The following COMMD1 variants were observed in gnomAD, a reference collection of about 807,000 sequenced individuals.
COMMD1 encodes the protein copper metabolism domain containing 1.
Under a neutral mutation model 17.2 loss-of-function variants are expected in COMMD1, and 10 were observed. The observed-to-expected ratio is 0.58, with a 90% CI of 0.36 to 0.99. The LOEUF (loss-of-function observed/expected upper bound fraction) is 0.99. Among genes scored for constraint, COMMD1 ranks in the 50% least tolerant of loss-of-function variants. COMMD1 has a pLI of 0.01. For missense variants in COMMD1, 270 were observed against 231.8 expected, an observed-to-expected ratio of 1.17 and a Z score of -1.07; for synonymous variants, 97 against 91.6, an observed-to-expected ratio of 1.06 and a Z score of -0.34.
intron 2 of COMMD1, among the ~76,000 whole-genome samples, chr2:62,005,875 G>T (rs1669098068): frequency 6.6e-6 from 1 of 151,330 alleles, no homozygotes; most frequent in African/African-American, 2.4e-5. Context: ...AAATCATGCT[G>T]CTATAAAGAC....
intron 1 of COMMD1, among the ~76,000 whole-genome samples, chr2:61,990,349 T>G (rs746886281): frequency 3.3e-5 from 5 of 152,166 alleles, no homozygotes; most frequent in Non-Finnish European, 4.4e-5. Context: ...TTAATTAAGC[T>G]TTGTATTTAG....
chr2:62,042,563 C>T (rs906728017), intron 2 of COMMD1, among the ~76,000 whole-genome samples: 3 of 152,154 alleles, frequency 2.0e-5, no homozygotes, highest in South Asian at 2.1e-4. Flanking sequence ...ACCCGGAACC[C>T]GCGAGCGCCG....
chr2:62,069,406 A>G (rs1325130150), intron 2 of COMMD1: 1 of 152,222 alleles, frequency 6.6e-6, no homozygotes, highest in Non-Finnish European at 1.5e-5. Flanking sequence ...AGGCAAAGTA[A>G]GTTAACAATC....
At chr2:62,119,197 T>C (rs1269738345) in intron 2 of COMMD1, among the ~76,000 whole-genome samples, 1 of 152,116 alleles carries the variant, frequency 6.6e-6, no homozygotes. Context: ...TGAGAGAAGA[T>C]AGCTGTCTAC....
chr2:61,956,914 C>T (rs1671212803), intron 1 of COMMD1, among the ~76,000 whole-genome samples: 1 of 151,390 alleles, frequency 6.6e-6, no homozygotes, highest in African/African-American at 2.4e-5. Context: ...CCATGCCCAG[C>T]TAACTTTTTG....
At chr2:61,998,219 A>G (rs547969632) in intron 1 of COMMD1, among the ~76,000 whole-genome samples, 3 of 149,770 alleles carry the variant, frequency 2.0e-5, no homozygotes, top group Non-Finnish European at 4.4e-5. Context: ...AACCTTCTCC[A>G]TATCAGCAAT....
rs570489051 is a variant in COMMD1 at position 62,074,883 on chromosome 2, G to GTT, written c.463-60926_463-60925dup. The stretch of plus-strand genomic sequence containing the variant: ...ATTTGGTGCACATTTTGTTTGTGTG[G>GTT]TTTTTTTTTTTTTTTTTTTTTTTGA... On this transcript the variant is annotated intron_variant, in intron 2 of 2. Coordinates refer to ENST00000311832, the MANE Select transcript of COMMD1 (RefSeq NM_152516.4). Among the ~76,000 whole-genome samples the GTT allele has an allele frequency of 7.0e-3, 772 of 110,148 alleles. 3 individuals carry two copies. Among genetic ancestry groups the GTT allele is most frequent in the African/African-American group, 8.8e-3 (253 of 28,626 alleles). The allele number at this position is 110,148 out of a possible 152,430, so 72.3% of individuals were successfully genotyped here.
intron 1 of COMMD1, among the ~76,000 whole-genome samples, chr2:61,988,587 G>C (rs7564539): frequency 0.11 from 16,682 of 152,132 alleles, 2,133 homozygotes; most frequent in African/African-American, 0.31. Context: ...TTGAAGGAAG[G>C]AGTCTCTTTT....
intron 2 of COMMD1, among the ~76,000 whole-genome samples, chr2:62,097,822 G>T (rs969644297): frequency 5.3e-5 from 8 of 152,076 alleles, no homozygotes; most frequent in African/African-American, 1.7e-4. Context: ...AAAGGCTCTG[G>T]TATTTTCCCC....
chr2:62,135,980 G>T lies in COMMD1; in HGVS notation c.*39G>T, dbSNP rs1304338501. The T allele has an allele frequency of 2.8e-6, 3 of 1,061,108 alleles. No individual in the cohort carries two copies. The African/African-American group carries it at 4.7e-5, about 16-fold the overall frequency. The allele number at this position is 1,061,108 out of a possible 1,614,324, so 65.7% of individuals were successfully genotyped here. ...AGGAGTTGGAGTTGTTGAAACCAAG[G>T]TGTCCATGATCCCTCCCCACTGACC... On this transcript the variant is annotated 3_prime_UTR_variant, in exon 3 of 3. Transcript: ENST00000311832.
Position 62,030,900 on chromosome 2 carries a change from T to C in COMMD1, c.462+29918T>C, listed in dbSNP as rs534856294. 1.2e-4 allele frequency among the ~76,000 whole-genome samples: 18 copies of C among 152,290 alleles called. No individual in the cohort carries two copies. In the East Asian group the frequency reaches 3.5e-3, roughly 29 times the overall value. ...TGTGTAACCTCTTAAATTTTTTTCA[T>C]TTACACCCCCCAGGTTTGGATTTAG... On this transcript the variant is annotated intron_variant, in intron 2 of 2. Transcript: ENST00000311832.
intron 2 of COMMD1, among the ~76,000 whole-genome samples, chr2:62,009,888 GCTAGTGAAATACTTGTAGTAA>G (rs1669230971): frequency 6.6e-6 from 1 of 152,076 alleles, no homozygotes; most frequent in Non-Finnish European, 1.5e-5. Flanking sequence ...CTAGTGAATG[GCTAGTGAAATACTTGTAGTAA>G]CTAGTGAAAT....
At chr2:62,100,764 C>G (rs975914182) in intron 2 of COMMD1, among the ~76,000 whole-genome samples, 3 of 152,010 alleles carry the variant, frequency 2.0e-5, no homozygotes, top group African/African-American at 7.2e-5. Context: ...ATTTCCTATT[C>G]GGATCTTTAA....
intron 2 of COMMD1, among the ~76,000 whole-genome samples, chr2:62,059,375 C>A (rs1573129563): frequency 6.6e-6 from 1 of 151,970 alleles, no homozygotes; most frequent in Admixed American, 6.6e-5. Flanking sequence ...AGGCTGGTCT[C>A]CAACTTCTGG....
intron 1 of COMMD1, among the ~76,000 whole-genome samples, chr2:61,998,479 C>T (rs958362525): frequency 1.1e-4 from 17 of 151,988 alleles, no homozygotes; most frequent in South Asian, 2.1e-4. Flanking sequence ...AGGCTGGTCT[C>T]GAACTCCGGA....
At chr2:62,034,532 G>A (rs1018388936) in intron 2 of COMMD1, among the ~76,000 whole-genome samples, 1 of 152,110 alleles carries the variant, frequency 6.6e-6, no homozygotes, top group African/African-American at 2.4e-5. Context: ...GAAGACTGGT[G>A]TACCTACCAC....
chr2:61,917,449 G>A (rs2105187795), intron 1 of COMMD1, among the ~76,000 whole-genome samples: 2 of 152,040 alleles, frequency 1.3e-5, no homozygotes, highest in South Asian at 4.2e-4. Context: ...TCAAAGAATG[G>A]CATTATTAAT....
At chr2:61,977,261 T>A (rs2103741376) in intron 1 of COMMD1, among the ~76,000 whole-genome samples, 1 of 149,112 alleles carries the variant, frequency 6.7e-6, no homozygotes, top group Non-Finnish European at 1.5e-5. Flanking sequence ...TTTTTTTTTT[T>A]TTGAGACAGT....
At chr2:62,124,711 G>A (rs1340786715) in intron 2 of COMMD1, among the ~76,000 whole-genome samples, 5 of 151,990 alleles carry the variant, frequency 3.3e-5, no homozygotes, top group African/African-American at 9.7e-5. Context: ...CACCAAGCCC[G>A]GCTAATTTTT....
Sources: gnomAD v4.1 joint callset for allele counts (sites outside exome capture counted in the v4.1 genomes callset) on GRCh38, gnomAD v4.1.1 for gene constraint, MANE v1.5 for transcripts, NCBI Gene and HGNC (gene_info 2026-07-23, HGNC 2026-07-21) for gene names.